CDCA2: variants seen among roughly 807,000 people sequenced by gnomAD.
CDCA2 encodes cell division cycle-associated protein 2.
Under a neutral mutation model 67.0 loss-of-function variants are expected in CDCA2, and 44 were observed. The observed-to-expected ratio is 0.66, with a 90% confidence interval of 0.52 to 0.84. The LOEUF (loss-of-function observed/expected upper bound fraction) is 0.84. Among genes scored for constraint, CDCA2 ranks in the 40% least tolerant of loss-of-function variants. The pLI is 0.00. For missense variants in CDCA2, 1,253 were observed against 1,203.2 expected (o/e 1.04, Z -0.61); for synonymous variants, 447 against 418.7 (o/e 1.07, Z -0.82).
At chr8:25,498,303 G>C (rs1804317294) in intron 13 of CDCA2, among the ~76,000 whole-genome samples, 1 of 152,034 alleles carries the variant, frequency 6.6e-6, no homozygotes, top group Non-Finnish European at 1.5e-5. Flanking sequence ...CTCCTCCCCG[G>C]TTCAAGTGAT....
chr8:25,501,936 T>A (rs754950226), intron 13 of CDCA2, among the ~76,000 whole-genome samples: 6 of 152,200 alleles, frequency 3.9e-5, no homozygotes, highest in South Asian at 2.1e-4. Context: ...AGTCTCACTG[T>A]CGCCAGGCTG....
rs146781427 is a variant in CDCA2 at position 25,465,676 on chromosome 8, G to C, written c.388-499G>C. Among the ~76,000 whole-genome samples, 134 of 152,260 alleles carry C rather than the reference G, an allele frequency of 8.8e-4. 1 individual carries two copies. Among genetic ancestry groups the C allele is most frequent in the Non-Finnish European group, 1.5e-3 (99 of 68,014 alleles). ...AAATTAGCTGGGAAGAGCCAAAAAG[G>C]AGAGCAGTGCAAGTGTAGTATCTGA... On this transcript the variant is annotated intron_variant, in intron 4 of 14. Coordinates refer to ENST00000330560, the MANE Select transcript of CDCA2 (RefSeq NM_152562.4).
At chr8:25,466,419 A>G in intron 5 of CDCA2, 94 bp downstream of exon 5, 1 of 1,135,116 alleles carries the variant, frequency 8.8e-7, no homozygotes, top group Non-Finnish European at 1.2e-6. Context: ...CAATCTTTTC[A>G]GAACACAGGT....
At chr8:25,496,558 G>A (rs549959558) in intron 13 of CDCA2, among the ~76,000 whole-genome samples, 1 of 152,098 alleles carries the variant, frequency 6.6e-6, no homozygotes, top group Non-Finnish European at 1.5e-5. Flanking sequence ...CTGATAAGGG[G>A]TTAATAGCCA....
intron 7 of CDCA2, among the ~76,000 whole-genome samples, chr8:25,475,208 G>A (rs1288877333): frequency 1.3e-5 from 2 of 152,172 alleles, no homozygotes; most frequent in Non-Finnish European, 2.9e-5. Flanking sequence ...GGTTAGAGAC[G>A]CTTGACTAGT....
intron 13 of CDCA2, among the ~76,000 whole-genome samples, chr8:25,491,176 A>G (rs1318285699): frequency 6.6e-6 from 1 of 152,172 alleles, no homozygotes; most frequent in East Asian, 1.9e-4. Context: ...CAAAAGAAAG[A>G]CTGGAAACGA....
chr8:25,497,584 TGAG>T (rs1477091106), intron 13 of CDCA2, among the ~76,000 whole-genome samples: 2 of 147,214 alleles, frequency 1.4e-5, no homozygotes, highest in Non-Finnish European at 3.0e-5. Context: ...TGGTGGGGGA[TGAG>T]GAGATGTTGG....
Position 25,460,303 on chromosome 8 carries a change from A to T in CDCA2, c.61+3A>T, listed in dbSNP as rs748690727. On this transcript the variant is annotated splice_donor_region_variant and intron_variant, in intron 2 of 14. Coordinates refer to ENST00000330560, the MANE Select transcript of CDCA2 (RefSeq NM_152562.4). ...GGAGTCTGCAATGAATAATGCTGGT[A>T]TGTGATGATCTGCCTCCTTGTGAAG... 4 of 1,614,180 alleles carry T rather than the reference A, an allele frequency of 2.5e-6. No individual in the cohort carries two copies. The highest frequency in any genetic ancestry group is 3.4e-6 in the Non-Finnish European group (4 of 1,180,010).
At chr8:25,472,779 T>C (rs1803208966) in intron 7 of CDCA2, among the ~76,000 whole-genome samples, 1 of 152,218 alleles carries the variant, frequency 6.6e-6, no homozygotes, top group Non-Finnish European at 1.5e-5. Flanking sequence ...GATATTTTGA[T>C]ATATTTATAC....
chr8:25,491,946 C>T (rs1203876344), intron 13 of CDCA2, among the ~76,000 whole-genome samples: 1 of 152,162 alleles, frequency 6.6e-6, no homozygotes, highest in East Asian at 1.9e-4. Flanking sequence ...TACAGGAACG[C>T]ACCACCATGC....
chr8:25,504,668 G>A (rs1032671952), intron 14 of CDCA2, among the ~76,000 whole-genome samples: 1 of 152,082 alleles, frequency 6.6e-6, no homozygotes, highest in Non-Finnish European at 1.5e-5. Context: ...CCCCTCTGTC[G>A]CATACGCCCT....
chr8:25,507,118 A>T lies in CDCA2; in HGVS notation c.2452A>T (p.Ser818Cys). The T allele has an allele frequency of 5.0e-6, 8 of 1,614,212 alleles. No homozygotes were observed. Among genetic ancestry groups the T allele is most frequent in the Non-Finnish European group, 6.8e-6 (8 of 1,180,038 alleles). Residue 818 changes from serine (S) to cysteine (C), a missense_variant, in exon 15 of 15, where the codon AGT becomes TGT. By Grantham distance (112) the Ser-to-Cys change is moderately radical. Coordinates refer to ENST00000330560, the MANE Select transcript of CDCA2 (RefSeq NM_152562.4). ...GGATTTGGGAAGAAAACCCATGGAAAGTAGCAGTGTTGTGAGTTGCAGAGA... is the reference window on the plus strand; with the variant it reads ...GGATTTGGGAAGAAAACCCATGGAATGTAGCAGTGTTGTGAGTTGCAGAGA... The part of the protein sequence containing the change: ...SEDLGRKPME[S>C]SSVVSCRDRK...
intron 4 of CDCA2, 87 bp from the exon 5 acceptor site, chr8:25,466,088 T>A: frequency 7.8e-7 from 1 of 1,277,802 alleles, no homozygotes; most frequent in Non-Finnish European, 1.1e-6. Context: ...TGTACTGTAT[T>A]TAATTTTGGA....
chr8:25,460,321 T>G, intron 2 of CDCA2, 21 bp downstream of exon 2: 1 of 1,614,180 alleles, frequency 6.2e-7, no homozygotes, highest in Non-Finnish European at 8.5e-7. Flanking sequence ...ATCTGCCTCC[T>G]TGTGAAGTTG....
Position 25,468,284 on chromosome 8 carries a change from G to C in CDCA2, c.606G>C (p.Arg202=), listed in dbSNP as rs775050044. ...CTGCAGTGTTGTCCTCCAAACGTCG[G>C]AGAATATCCTATCAGAGAGACTCTG... ...GFPAVLSSKR[R]RISYQRDSDE... Residue 202 remains arginine, a synonymous_variant, in exon 6 of 15, where the codon CGG becomes CGC. Coordinates refer to ENST00000330560, the MANE Select transcript of CDCA2 (RefSeq NM_152562.4). 8.1e-6 allele frequency: 13 copies of C among 1,613,886 alleles called. No homozygotes were observed. Among genetic ancestry groups the C allele is most frequent in the Non-Finnish European group, 1.1e-5 (13 of 1,179,948 alleles).
chr8:25,463,599 C>A (rs189813727), intron 4 of CDCA2, among the ~76,000 whole-genome samples: 1 of 151,762 alleles, frequency 6.6e-6, no homozygotes, highest in Non-Finnish European at 1.5e-5. Context: ...ACTCCTTCTA[C>A]TGATTAAAAA....
chr8:25,480,155 A>G (rs1245580403), intron 8 of CDCA2, 31 bp downstream of exon 8: 1 of 1,546,334 alleles, frequency 6.5e-7, no homozygotes, highest in Admixed American at 1.8e-5. Flanking sequence ...CCTAAAGCAA[A>G]TGAATAAAAA....
At chr8:25,494,825 T>C (rs1350348587) in intron 13 of CDCA2, among the ~76,000 whole-genome samples, 4 of 152,088 alleles carry the variant, frequency 2.6e-5, no homozygotes, top group Non-Finnish European at 5.9e-5. Flanking sequence ...CTCTGACTGG[T>C]GTTCTTATAA....
rs1804724201 is a variant in CDCA2, at chr8:25,507,371, A to C, written c.2705A>C (p.Asn902Thr). Residue 902 changes from asparagine (N) to threonine (T), a missense_variant, in exon 15 of 15, where the codon AAC becomes ACC. Coordinates refer to ENST00000330560, the MANE Select transcript of CDCA2 (RefSeq NM_152562.4). ...ACGAGGCTACAGAAGGATTTAGAAA[A>C]CGAAGGTCTTGTATGGATTTCACTT... ...RSTRLQKDLE[N>T]EGLVWISLPL... The C allele has an allele frequency of 6.2e-7, 1 of 1,613,332 alleles. No individual in the cohort carries two copies. The highest frequency in any genetic ancestry group is 8.5e-7 in the Non-Finnish European group (1 of 1,179,864).
Sources: allele counts gnomAD v4.1 joint callset (sites outside exome capture counted in the v4.1 genomes callset), GRCh38; gene constraint gnomAD v4.1.1; transcripts MANE v1.5; gene names NCBI Gene and HGNC (gene_info 2026-07-23, HGNC 2026-07-21).